The following KDM5B variants were observed in gnomAD, a reference collection of about 807,000 sequenced individuals.
KDM5B encodes lysine-specific demethylase 5B.
Under a neutral mutation model 193.4 loss-of-function variants are expected in KDM5B, and 144 were observed. The observed-to-expected ratio is 0.74, with a 90% confidence interval of 0.65 to 0.86. KDM5B has a LOEUF of 0.86. Ranked by LOEUF, KDM5B falls within the 40% of genes least tolerant of loss-of-function variation. The probability of loss-of-function intolerance (pLI) is 0.00; values close to 1 mark genes in which losing one functional copy is unlikely to be tolerated. For missense variants in KDM5B, 1,833 were observed against 1,886.9 expected (o/e 0.97, Z 0.53); for synonymous variants, 668 against 682.6 (o/e 0.98, Z 0.33).
chr1:202,756,592 C>T, intron 9 of KDM5B, 76 bp from the exon 10 acceptor site: 1 of 1,117,008 alleles, frequency 9.0e-7, no homozygotes, highest in East Asian at 2.6e-5. Flanking sequence ...TGATGGGAAT[C>T]AAAGAACAGC....
At chr1:202,771,398 A>AT (rs35164548) in intron 4 of KDM5B, among the ~76,000 whole-genome samples, 20,463 of 139,644 alleles carry the variant, frequency 0.15, 1,742 homozygotes, top group East Asian at 0.28. Context: ...CATCCAGCTA[A>AT]TTTTTTTTTT....
chr1:202,753,753 T>TCCA (rs1279438744), intron 11 of KDM5B, among the ~76,000 whole-genome samples: 2 of 141,762 alleles, frequency 1.4e-5, no homozygotes, highest in African/African-American at 5.1e-5. Flanking sequence ...CACTGCAACC[T>TCCA]CCACCTCCCA....
At position 202,727,627 on chromosome 1, in the gene KDM5B, A is replaced by C. The variant is rs1050733781; in HGVS notation, c.*1409T>G. ...GTCACCAGAATGTCTTCTCCACTGC[A>C]GAACAGACCCCTTTAAAAAAGAAAA... On this transcript the variant is annotated 3_prime_UTR_variant, in exon 27 of 27. Transcript: ENST00000367265. 2.6e-5 allele frequency: 4 copies of C among 152,714 alleles called. No homozygotes were observed. The highest frequency in any genetic ancestry group is 9.6e-5 in the African/African-American group (4 of 41,458). The allele number at this position is 152,714 out of a possible 1,614,324, so 9.5% of individuals were successfully genotyped here. A position where few individuals can be genotyped will look rare whatever the true frequency, so the allele number is the denominator to read the frequency against.
At chr1:202,766,001 AT>A (rs1347875748) in intron 5 of KDM5B, among the ~76,000 whole-genome samples, 1 of 152,192 alleles carries the variant, frequency 6.6e-6, no homozygotes, top group Non-Finnish European at 1.5e-5. Flanking sequence ...CTTAAAGCAA[AT>A]AATCCTTCTC....
At chr1:202,736,072 G>A (rs141523937) in intron 21 of KDM5B, 141 bp downstream of exon 21, 25 of 568,266 alleles carry the variant, frequency 4.4e-5, no homozygotes, top group African/African-American at 4.1e-4. Context: ...CAGAAAATTA[G>A]AAGAGTCTCC....
At chr1:202,735,653 C>T in intron 21 of KDM5B, 66 bp from the exon 22 acceptor site, 2 of 1,458,222 alleles carry the variant, frequency 1.4e-6, no homozygotes, top group Non-Finnish European at 1.9e-6. Flanking sequence ...GTAGGAAGTC[C>T]CAAAATAAAA....
At chr1:202,775,939 T>C (rs966096991) in intron 2 of KDM5B, among the ~76,000 whole-genome samples, 4 of 141,244 alleles carry the variant, frequency 2.8e-5, no homozygotes, top group Non-Finnish European at 4.6e-5. Context: ...TCAACAAAAA[T>C]TTAATTCAGG....
At chr1:202,748,063 C>G (rs1422320236) in intron 14 of KDM5B, among the ~76,000 whole-genome samples, 1 of 152,068 alleles carries the variant, frequency 6.6e-6, no homozygotes, top group Non-Finnish European at 1.5e-5. Flanking sequence ...AGAATAGATG[C>G]ATAGATCACC....
At chr1:202,802,232 C>T (rs1029416794) in intron 1 of KDM5B, among the ~76,000 whole-genome samples, 1 of 152,142 alleles carries the variant, frequency 6.6e-6, no homozygotes, top group Non-Finnish European at 1.5e-5. Flanking sequence ...GGGGCACGGG[C>T]TTTCCCTTAT....
chr1:202,803,587 G>A (rs1208916517), intron 1 of KDM5B, among the ~76,000 whole-genome samples: 1 of 151,840 alleles, frequency 6.6e-6, no homozygotes, highest in African/African-American at 2.4e-5. Flanking sequence ...ACTTTGGGAG[G>A]CCGAGGTGGG....
rs533386397 is a variant in KDM5B at position 202,725,127 on chromosome 1, C to G, written c.*3909G>C. The G allele has an allele frequency of 6.6e-6, 1 of 152,304 alleles. No homozygotes were observed. The highest frequency in any genetic ancestry group is 2.1e-4 in the South Asian group (1 of 4,828). 9.4% of individuals were successfully genotyped at this position (152,304 alleles called of 1,614,324 possible). On this transcript the variant is annotated 3_prime_UTR_variant, in exon 27 of 27. Transcript: ENST00000367265. ...ACTCACCACTTTCTAGCCCTTCATC[C>G]TTGCAAAATTAACCCAGAACACAAA...
chr1:202,790,958 T>C (rs751207785), intron 1 of KDM5B, among the ~76,000 whole-genome samples: 3 of 152,070 alleles, frequency 2.0e-5, no homozygotes, highest in African/African-American at 7.2e-5. Context: ...TATAGTTATA[T>C]CAACACAAAT....
rs527435908 is a variant in KDM5B at position 202,746,397 on chromosome 1, GTACT to G, written c.2017-78_2017-75del. 153 of 731,308 alleles carry G rather than the reference GTACT, an allele frequency of 2.1e-4. No homozygotes were observed. In the East Asian group the frequency reaches 3.8e-3, roughly 18 times the overall value. 45.3% of individuals were successfully genotyped at this position (731,308 alleles called of 1,614,324 possible). A position where few individuals can be genotyped will look rare whatever the true frequency, so the allele number is the denominator to read the frequency against. ...ACCAGCCCAAGACAAACATGCAGTA[GTACT>G]TGAGTCTGAAAAAAAAAAAAAAGCT... On this transcript the variant is annotated intron_variant, in intron 14 of 26. Coordinates refer to ENST00000367265, the MANE Select transcript of KDM5B (RefSeq NM_006618.5).
chr1:202,760,314 T>TA (rs1223963934), intron 8 of KDM5B, 101 bp downstream of exon 8: 67 of 849,412 alleles, frequency 7.9e-5, no homozygotes, highest in South Asian at 9.9e-5. Context: ...AGTCCTTGTC[T>TA]AAAAAAAATA....
At chr1:202,786,622 G>GT (rs1657424917) in intron 1 of KDM5B, among the ~76,000 whole-genome samples, 1 of 152,196 alleles carries the variant, frequency 6.6e-6, no homozygotes, top group Non-Finnish European at 1.5e-5. Flanking sequence ...CTAATACCAT[G>GT]CCATTTCCTG....
chr1:202,795,469 T>G (rs1038259177), intron 1 of KDM5B, among the ~76,000 whole-genome samples: 1 of 151,974 alleles, frequency 6.6e-6, no homozygotes, highest in African/African-American at 2.4e-5. Context: ...CTGGCTAACA[T>G]AGTGAAACCC....
At chr1:202,735,379 A>C (rs2102219470) in intron 22 of KDM5B, 50 bp downstream of exon 22, 1 of 1,559,886 alleles carries the variant, frequency 6.4e-7, no homozygotes, top group African/African-American at 1.4e-5. Flanking sequence ...AAGGGTTAGA[A>C]ATTATTCTTC....
At chr1:202,756,192 G>A (rs1420117072) in intron 10 of KDM5B, among the ~76,000 whole-genome samples, 166 bp downstream of exon 10, 1 of 152,186 alleles carries the variant, frequency 6.6e-6, no homozygotes, top group Non-Finnish European at 1.5e-5. Flanking sequence ...CCACAACATA[G>A]TGACATAGTT....
chr1:202,756,531 A>T lies in KDM5B; in HGVS notation c.1198-15T>A. 1 of 1,561,126 alleles carries T rather than the reference A, an allele frequency of 6.4e-7. No individual in the cohort carries two copies. The highest frequency in any genetic ancestry group is 8.7e-7 in the Non-Finnish European group (1 of 1,153,762). On this transcript the variant is annotated splice_polypyrimidine_tract_variant and intron_variant, in intron 9 of 26. Transcript: ENST00000367265. Reference sequence around the variant, plus strand: ...GTGGGGACCATCTGGAAATACAAGGAATAGAAAAAATGAGTTTCCTCACAA... The same window carrying T: ...GTGGGGACCATCTGGAAATACAAGGTATAGAAAAAATGAGTTTCCTCACAA...
Sources: allele counts gnomAD v4.1 joint callset (sites outside exome capture counted in the v4.1 genomes callset), GRCh38; gene constraint gnomAD v4.1.1; transcripts MANE v1.5; gene names NCBI Gene and HGNC (gene_info 2026-07-23, HGNC 2026-07-21).